Variants in RAP1GAP2 observed in about 807,000 individuals in gnomAD.
RAP1GAP2 encodes the protein rap1 GTPase-activating protein 2.
A neutral mutation model predicts 95.0 loss-of-function variants in RAP1GAP2; 27 were observed. The observed-to-expected ratio is 0.28, with a 90% CI of 0.21 to 0.39. The LOEUF (loss-of-function observed/expected upper bound fraction) is 0.39. Among genes scored for constraint, RAP1GAP2 ranks in the 10% least tolerant of loss-of-function variants. RAP1GAP2 has a pLI of 1.00. For missense variants in RAP1GAP2, 771 were observed against 970.0 expected, an observed-to-expected ratio of 0.79 and a Z score of 2.72; for synonymous variants, 373 against 380.9, an observed-to-expected ratio of 0.98 and a Z score of 0.24.
chr17:2,957,854 G>A, intron 4 of RAP1GAP2, 60 bp downstream of exon 4: 2 of 1,499,014 alleles, frequency 1.3e-6, no homozygotes, highest in East Asian at 2.5e-5. Flanking sequence ...GGGTGGCATA[G>A]GGACCAGGCA....
At chr17:2,956,146 C>T (rs140072163) in intron 3 of RAP1GAP2, among the ~76,000 whole-genome samples, 17 of 152,298 alleles carry the variant, frequency 1.1e-4, no homozygotes, top group Admixed American at 2.6e-4. Context: ...AAGAATGCCC[C>T]GCGTGGGTGG....
chr17:2,958,844 G>A (rs2044211355), intron 4 of RAP1GAP2, among the ~76,000 whole-genome samples: 1 of 152,076 alleles, frequency 6.6e-6, no homozygotes, highest in South Asian at 2.1e-4. Flanking sequence ...GTCCCTGAGG[G>A]TGGGGAGGGA....
rs114889756 is a variant in RAP1GAP2 at position 2,916,543 on chromosome 17, T to C, written c.165+11175T>C. ...TTTGTCTGTGTGGGTCTGAAGCCTG[T>C]GCTGTCTTCCCCACCTCTACAGACT... is the stretch of plus-strand genomic sequence containing the variant. On this transcript the variant is annotated intron_variant, in intron 3 of 24. Transcript: ENST00000254695. Among the ~76,000 whole-genome samples, 1,281 of 152,322 alleles carry C rather than the reference T, an allele frequency of 8.4e-3. 21 individuals are homozygous for C. The highest frequency in any genetic ancestry group is 0.028 in the African/African-American group (1,183 of 41,572).
intron 2 of RAP1GAP2, among the ~76,000 whole-genome samples, chr17:2,889,827 C>T (rs1311501252): frequency 3.5e-5 from 5 of 144,540 alleles, no homozygotes; most frequent in South Asian, 2.2e-4. Context: ...GGACTACAGG[C>T]GCACGCCACC....
At chr17:2,989,383 A>T (rs2151559687) in intron 11 of RAP1GAP2, among the ~76,000 whole-genome samples, 1 of 152,154 alleles carries the variant, frequency 6.6e-6, no homozygotes, top group Admixed American at 6.5e-5. Context: ...CCCAGGCTGG[A>T]GTGCAGTGGT....
intron 2 of RAP1GAP2, among the ~76,000 whole-genome samples, chr17:2,804,117 C>T (rs186501634): frequency 3.9e-5 from 6 of 152,316 alleles, no homozygotes; most frequent in African/African-American, 1.4e-4. Context: ...ATCTCTCCTT[C>T]TACAGCAGCT....
chr17:2,891,397 T>C (rs539039370), intron 2 of RAP1GAP2, among the ~76,000 whole-genome samples: 128 of 152,264 alleles, frequency 8.4e-4, no homozygotes, highest in African/African-American at 3.0e-3. Context: ...CGCCTTGGCC[T>C]CCCAAAGTAC....
At chr17:2,850,749 C>CAAAA (rs11323119) in intron 2 of RAP1GAP2, among the ~76,000 whole-genome samples, 2 of 91,286 alleles carry the variant, frequency 2.2e-5, no homozygotes, top group Non-Finnish European at 4.1e-5. Context: ...GACTCCACCT[C>CAAAA]AAAAAAAAAA....
rs369645880 is a variant in RAP1GAP2 at position 3,020,560 on chromosome 17, G to A, written c.1716G>A (p.Thr572=). Residue 572 remains threonine (T), a synonymous_variant, in exon 19 of 25, where the codon ACG becomes ACA. Coordinates refer to ENST00000254695, the MANE Select transcript of RAP1GAP2 (RefSeq NM_015085.5). ...CGGGGCTCTTCCCCCGCCTGCACAC[G>A]GGCTCAGAAGGCCAGGGCGACAGCC... ...RRSGLFPRLH[T]GSEGQGDSRA... is the part of the protein sequence containing the mutation. 66 of 1,613,756 alleles carry A rather than the reference G, an allele frequency of 4.1e-5. No homozygotes were observed. The highest frequency in any genetic ancestry group is 1.0e-4 in the Admixed American group (6 of 59,996).
Position 3,036,704 on chromosome 17 carries a change from C to G in RAP1GAP2, c.*3343C>G, listed in dbSNP as rs1205941960. The G allele has an allele frequency of 6.6e-6, 1 of 152,478 alleles. No homozygotes were observed. Among genetic ancestry groups the G allele is most frequent in the African/African-American group, 2.4e-5 (1 of 41,444 alleles). 9.4% of individuals were successfully genotyped at this position (152,478 alleles called of 1,614,324 possible). On this transcript the variant is annotated 3_prime_UTR_variant, in exon 25 of 25. Coordinates refer to ENST00000254695, the MANE Select transcript of RAP1GAP2 (RefSeq NM_015085.5). Reference sequence around the variant, plus strand: ...TGCTGTTCACCCACCCTCAGCTTCCCTTTTCCTAAATTAAGAGGAAAAGTG... The same window carrying G: ...TGCTGTTCACCCACCCTCAGCTTCCGTTTTCCTAAATTAAGAGGAAAAGTG...
chr17:3,031,709 T>C, intron 23 of RAP1GAP2, among the ~76,000 whole-genome samples: 1 of 145,176 alleles, frequency 6.9e-6, no homozygotes, highest in Non-Finnish European at 1.5e-5. Context: ...CAGGTCCAGA[T>C]GTGAGGTGGG....
At chr17:2,785,043 C>T (rs1453308572) in intron 1 of RAP1GAP2, among the ~76,000 whole-genome samples, 1 of 152,232 alleles carries the variant, frequency 6.6e-6, no homozygotes, top group South Asian at 2.1e-4. Context: ...CATCCCCCTG[C>T]GGCATCATCC....
chr17:2,762,887 G>A (rs1449558387), intron 1 of RAP1GAP2, among the ~76,000 whole-genome samples: 6 of 151,896 alleles, frequency 4.0e-5, no homozygotes, highest in Admixed American at 2.6e-4. Context: ...CGTTGCCCAC[G>A]CTGGTCTCGA....
At chr17:2,916,116 G>T (rs2042559101) in intron 3 of RAP1GAP2, among the ~76,000 whole-genome samples, 1 of 152,188 alleles carries the variant, frequency 6.6e-6, no homozygotes, top group African/African-American at 2.4e-5. Context: ...TGTTGTTCCA[G>T]TACTGTATGT....
chr17:2,901,727 T>G (rs2042032896), intron 2 of RAP1GAP2, among the ~76,000 whole-genome samples: 3 of 152,106 alleles, frequency 2.0e-5, no homozygotes, highest in Admixed American at 2.0e-4. Flanking sequence ...CCGCGTCACT[T>G]AACTCTATCT....
In RAP1GAP2 at chr17:2,902,014, T is replaced by G. The variant is rs760222464; in HGVS notation, c.81-3270T>G. Reference sequence around the variant, plus strand: ...CCGCAGACATTTATTATTTCAGTTCTGGAGGCCAGAAGTCCAAAATCAAGG... The same window carrying G: ...CCGCAGACATTTATTATTTCAGTTCGGGAGGCCAGAAGTCCAAAATCAAGG... On this transcript the variant is annotated intron_variant, in intron 2 of 24. Coordinates refer to ENST00000254695, the MANE Select transcript of RAP1GAP2 (RefSeq NM_015085.5). The surrounding 1 kb of genome is among the most constrained non-coding windows in gnomAD (Gnocchi z 4.1). Among the ~76,000 whole-genome samples, 1 of 152,212 alleles carries G rather than the reference T, an allele frequency of 6.6e-6. No homozygotes were observed. Among genetic ancestry groups the G allele is most frequent in the Non-Finnish European group, 1.5e-5 (1 of 68,032 alleles).
At chr17:2,836,295 A>C (rs1156898717) in intron 2 of RAP1GAP2, among the ~76,000 whole-genome samples, 1 of 151,838 alleles carries the variant, frequency 6.6e-6, no homozygotes, top group Non-Finnish European at 1.5e-5. Flanking sequence ...AACCAAAAGG[A>C]AAAACAAAGT....
chr17:2,861,767 C>T (rs986464855), intron 2 of RAP1GAP2, among the ~76,000 whole-genome samples: 3 of 152,020 alleles, frequency 2.0e-5, no homozygotes, highest in African/African-American at 4.8e-5. Flanking sequence ...AGCCTGGGCC[C>T]TCCTCCCGTG....
intron 3 of RAP1GAP2, among the ~76,000 whole-genome samples, chr17:2,945,576 T>C (rs1189956052): frequency 3.3e-5 from 5 of 152,064 alleles, no homozygotes; most frequent in Non-Finnish European, 7.4e-5. Context: ...AAGCTTTTAG[T>C]TTTTCATCAC....
Sources: allele counts gnomAD v4.1 joint callset (sites outside exome capture counted in the v4.1 genomes callset), GRCh38; gene constraint gnomAD v4.1.1; non-coding constraint Gnocchi (gnomAD v3.1); transcripts MANE v1.5; gene names NCBI Gene and HGNC (gene_info 2026-07-23, HGNC 2026-07-21).